Variants in OTOG observed in about 807,000 individuals in gnomAD.
OTOG encodes the protein otogelin.
OTOG carries 296 observed loss-of-function variants against 313.8 expected under a neutral mutation model. That is an observed-to-expected ratio of 0.94 (90% CI 0.86 to 1.04). The LOEUF is 1.04. OTOG is among the 50% of genes least tolerant of loss of function. The pLI is 0.00. For synonymous variants in OTOG, 1,533 were observed against 1,554.9 expected (o/e 0.99, Z 0.33); for missense variants, 3,948 against 3,840.1 (o/e 1.03, Z -0.74).
Position 17,645,579 on chromosome 11 carries a change from G to T in OTOG, c.8477G>T (p.Arg2826Leu), listed in dbSNP as rs544815967. The T allele has an allele frequency of 1.3e-6, 2 of 1,550,608 alleles. No homozygotes were observed. Among genetic ancestry groups the T allele is most frequent in the Non-Finnish European group, 1.7e-6 (2 of 1,147,002 alleles). ...GTCCCCCCAGGTAAGGAGGATGGGC[G>T]CTCCTGCAAGAAGGTGACCATCCGC... is the stretch of plus-strand genomic sequence containing the variant. ...GCCRTCKEDG[R>L]SCKKVTIRMT... The change falls in exon 55 of 56, where the codon CGC becomes CTC. Residue 2826 changes from arginine (R) to leucine (L), a missense_variant. Transcript: ENST00000399397.
intron 54 of OTOG, among the ~76,000 whole-genome samples, chr11:17,645,282 C>T (rs2133728179): frequency 6.6e-6 from 1 of 152,278 alleles, no homozygotes; most frequent in Non-Finnish European, 1.5e-5. Context: ...TCACTCTGTC[C>T]CCAGATGCTT....
rs755990926 is a variant in OTOG, at chr11:17,599,672, G to T, written c.3684G>T (p.Pro1228=). The T allele has an allele frequency of 1.3e-6, 2 of 1,550,690 alleles. No homozygotes were observed. The highest frequency in any genetic ancestry group is 2.4e-5 in the South Asian group (2 of 84,054). ...AAGTTCCTGTTCTCTCTCTTTCAGC[G>T]TATGACTGTGACTTCTTTAACAAAG... The part of the protein sequence containing the change: ...AVDWRTPRLC[P]YDCDFFNKVL... Residue 1228 remains proline (P), a splice_region_variant and synonymous_variant, in exon 31 of 56, where the codon CCG becomes CCT. Coordinates refer to ENST00000399397, the MANE Select transcript of OTOG (RefSeq NM_001292063.2).
At chr11:17,640,568 G>T (rs1008622974) in intron 49 of OTOG, among the ~76,000 whole-genome samples, 177 bp from the exon 50 acceptor site, 2 of 152,204 alleles carry the variant, frequency 1.3e-5, no homozygotes, top group Non-Finnish European at 2.9e-5. Flanking sequence ...CATTGGGGAG[G>T]CCTGGTAGCC....
At chr11:17,561,037 T>C in intron 13 of OTOG, 54 bp from the exon 14 acceptor site, 2 of 1,540,730 alleles carry the variant, frequency 1.3e-6, no homozygotes, top group Non-Finnish European at 1.8e-6. Flanking sequence ...TTTCCCAGCA[T>C]CTAGCTCAGG....
At chr11:17,638,817 G>A in intron 48 of OTOG, 1 of 1,435,680 alleles carries the variant, frequency 7.0e-7, no homozygotes, top group Admixed American at 2.1e-5. Flanking sequence ...CCTTACTGCG[G>A]CCGGGCACGG....
intron 8 of OTOG, among the ~76,000 whole-genome samples, chr11:17,557,905 C>A (rs1852089299): frequency 6.6e-6 from 1 of 152,182 alleles, no homozygotes; most frequent in Admixed American, 6.5e-5. Flanking sequence ...TTCAGGCTCA[C>A]ACACCAGTTC....
intron 18 of OTOG, 105 bp from the exon 19 acceptor site, chr11:17,572,973 G>GCA (rs148024582): frequency 7.9e-5 from 84 of 1,070,062 alleles, no homozygotes; most frequent in East Asian, 3.7e-4. Flanking sequence ...TACAGCGTGT[G>GCA]CACACACACA....
chr11:17,561,237 G>A, intron 14 of OTOG, 100 bp downstream of exon 14: 1 of 1,362,572 alleles, frequency 7.3e-7, no homozygotes, highest in Non-Finnish European at 1.0e-6. Flanking sequence ...GGGTGGGGAT[G>A]TCACTCAGTT....
At chr11:17,552,171 C>A in intron 4 of OTOG, 96 bp downstream of exon 4, 1 of 1,203,450 alleles carries the variant, frequency 8.3e-7, no homozygotes, top group Non-Finnish European at 1.2e-6. Context: ...TCCCTCAGGC[C>A]TCCATGACCC....
intron 8 of OTOG, among the ~76,000 whole-genome samples, chr11:17,557,779 A>G (rs1401379939): frequency 1.3e-5 from 2 of 152,274 alleles, no homozygotes; most frequent in South Asian, 2.1e-4. Flanking sequence ...CACCTACACC[A>G]TACTAAACAC....
chr11:17,616,683 A>G (rs1290730938), intron 39 of OTOG, among the ~76,000 whole-genome samples: 1 of 152,224 alleles, frequency 6.6e-6, no homozygotes, highest in Non-Finnish European at 1.5e-5. Context: ...ATTGCTTATT[A>G]CTAATGCAAA....
intron 12 of OTOG, among the ~76,000 whole-genome samples, chr11:17,560,194 C>T (rs1852152414): frequency 6.6e-6 from 1 of 152,164 alleles, no homozygotes; most frequent in Non-Finnish European, 1.5e-5. Flanking sequence ...CTATAGTGTG[C>T]TTGGCTAGGA....
chr11:17,593,560 G>C (rs1853004169), intron 26 of OTOG, 50 bp from the exon 27 acceptor site: 1 of 1,540,178 alleles, frequency 6.5e-7, no homozygotes, highest in Non-Finnish European at 8.8e-7. Context: ...TAGCTGACCT[G>C]GGCGCTAGGG....
Position 17,573,082 on chromosome 11 carries a change from C to T in OTOG, c.2085C>T (p.Ser695=), listed in dbSNP as rs1189840843. Residue 695 remains serine, a synonymous_variant, in exon 19 of 56, where the codon TCC becomes TCT. Transcript: ENST00000399397. The part of the protein sequence containing the change: ...DPCDVHLQAA[S]YSVQACSVLT... ...CTCCTGTTCTTCCTTCCCCAGCCTC[C>T]TACTCAGTGCAGGCCTGCAGCGTGC... 6 of 1,546,398 alleles carry T rather than the reference C, an allele frequency of 3.9e-6. No homozygotes were observed. In the African/African-American group the frequency reaches 5.5e-5, roughly 14 times the overall value.
intron 3 of OTOG, 30 bp from the exon 4 acceptor site, chr11:17,551,970 G>T: frequency 1.9e-6 from 3 of 1,546,684 alleles, no homozygotes; most frequent in Non-Finnish European, 2.6e-6. Context: ...GTCAGCCCTC[G>T]ATGTGTTCTC....
At chr11:17,577,783 T>C (rs551285547) in intron 22 of OTOG, among the ~76,000 whole-genome samples, 1 of 152,286 alleles carries the variant, frequency 6.6e-6, no homozygotes, top group East Asian at 1.9e-4. Context: ...GGAACTCAGC[T>C]CCTTTTTATT....
chr11:17,622,712 C>T (rs991001253), intron 39 of OTOG, among the ~76,000 whole-genome samples: 1 of 152,300 alleles, frequency 6.6e-6, no homozygotes, highest in African/African-American at 2.4e-5. Context: ...AATAGTACTC[C>T]ATTGTGTATA....
intron 7 of OTOG, among the ~76,000 whole-genome samples, chr11:17,556,173 T>C (rs1852054105): frequency 6.6e-6 from 1 of 152,178 alleles, no homozygotes; most frequent in African/African-American, 2.4e-5. Context: ...TGAGAGTTTA[T>C]CATGATAAGC....
At position 17,570,286 on chromosome 11, in the gene OTOG, C is replaced by T. The variant is rs759196357; in HGVS notation, c.1851C>T (p.Tyr617=). The change falls in exon 17 of 56, where the codon TAC becomes TAT. Residue 617 remains tyrosine, a synonymous_variant. Coordinates refer to ENST00000399397, the MANE Select transcript of OTOG (RefSeq NM_001292063.2). ...CGAACGTGGGCGTGCGGGTGCTCTACGACCGTGAAGGGCTCCGACTGTACC... is the reference window on the plus strand; with the variant it reads ...CGAACGTGGGCGTGCGGGTGCTCTATGACCGTGAAGGGCTCCGACTGTACC... The part of the protein sequence containing the change: ...VRTNVGVRVL[Y]DREGLRLYLQ... 203 of 1,550,674 alleles carry T rather than the reference C, an allele frequency of 1.3e-4. No homozygotes were observed. Among genetic ancestry groups the T allele is most frequent in the East Asian group, 2.0e-4 (8 of 40,928 alleles).
Sources: gnomAD v4.1 joint callset for allele counts (sites outside exome capture counted in the v4.1 genomes callset) on GRCh38, gnomAD v4.1.1 for gene constraint, MANE v1.5 for transcripts, NCBI Gene and HGNC (gene_info 2026-07-23, HGNC 2026-07-21) for gene names.